SCN7A: variants seen among roughly 807,000 people sequenced by gnomAD.
The protein encoded by SCN7A is sodium channel protein type 7 subunit alpha.
A neutral mutation model predicts 155.2 loss-of-function variants in SCN7A; 138 were observed. That is an observed-to-expected ratio of 0.89 (90% CI 0.77 to 1.02). The LOEUF (loss-of-function observed/expected upper bound fraction) is 1.02, where lower values mean the gene tolerates loss of function less well. Ranked by LOEUF, SCN7A falls within the 50% of genes least tolerant of loss-of-function variation. The probability of loss-of-function intolerance (pLI) is 0.00; values close to 1 mark genes in which losing one functional copy is unlikely to be tolerated. For missense variants in SCN7A, 2,058 were observed against 1,986.6 expected, an observed-to-expected ratio of 1.04 and a Z score of -0.68; for synonymous variants, 693 against 649.0, an observed-to-expected ratio of 1.07 and a Z score of -1.03.
intron 17 of SCN7A, 24 bp downstream of exon 17, chr2:166,429,145 G>T (rs1701680723): frequency 7.3e-7 from 1 of 1,362,150 alleles, no homozygotes; most frequent in Non-Finnish European, 1.0e-6. Context: ...TAGTTTCCTA[G>T]CAAGATTAAC....
intron 20 of SCN7A, among the ~76,000 whole-genome samples, chr2:166,419,482 C>G (rs1486650866): frequency 1.3e-5 from 2 of 151,748 alleles, no homozygotes; most frequent in Non-Finnish European, 2.9e-5. Flanking sequence ...CTCATCTCAC[C>G]TCAGCATCTC....
At chr2:166,410,542 T>C (rs541180456) in intron 23 of SCN7A, among the ~76,000 whole-genome samples, 13 of 152,152 alleles carry the variant, frequency 8.5e-5, no homozygotes, top group Non-Finnish European at 1.5e-4. Flanking sequence ...AGAAATTCAG[T>C]AATCTCTAAG....
intron 18 of SCN7A, among the ~76,000 whole-genome samples, chr2:166,425,424 A>G (rs539929790): frequency 3.9e-4 from 59 of 152,204 alleles, no homozygotes; most frequent in Non-Finnish European, 5.3e-4. Context: ...AGGGCTGCTT[A>G]TTAGTTTCCT....
At chr2:166,487,808 A>G (rs1459508873) in intron 1 of SCN7A, among the ~76,000 whole-genome samples, 2 of 152,254 alleles carry the variant, frequency 1.3e-5, no homozygotes, top group Non-Finnish European at 2.9e-5. Context: ...AAGTAAGGAC[A>G]GTGGATCAAT....
At position 166,403,582 on chromosome 2, in the gene SCN7A, C is replaced by G. The variant is rs1378041925; in HGVS notation, c.*1998G>C. On this transcript the variant is annotated 3_prime_UTR_variant, in exon 26 of 26. Transcript: ENST00000643258. ...AACAAACATAGCTTAATGTGGTTTACAGGTTATATTTATTATTTTCTATAG... is the reference window on the plus strand; with the variant it reads ...AACAAACATAGCTTAATGTGGTTTAGAGGTTATATTTATTATTTTCTATAG... 2.0e-5 allele frequency: 3 copies of G among 151,856 alleles called. No homozygotes were observed. Among genetic ancestry groups the G allele is most frequent in the Admixed American group, 1.3e-4 (2 of 15,194 alleles). 9.4% of individuals were successfully genotyped at this position (151,856 alleles called of 1,614,324 possible).
chr2:166,414,079 A>ATATATGTAAATATATATAATATAT (rs1209200845), intron 21 of SCN7A, among the ~76,000 whole-genome samples: 4 of 45,014 alleles, frequency 8.9e-5, no homozygotes, highest in African/African-American at 1.9e-4. Flanking sequence ...ATATATGTAA[A>ATATATGTAAATATATATAATATAT]TATATGTAAA....
intron 11 of SCN7A, among the ~76,000 whole-genome samples, chr2:166,452,118 T>A (rs958467842): frequency 2.0e-5 from 3 of 152,100 alleles, no homozygotes; most frequent in African/African-American, 7.2e-5. Flanking sequence ...ACAAACAAGG[T>A]CCAAACATTT....
intron 10 of SCN7A, 38 bp from the exon 11 acceptor site, chr2:166,457,114 G>A (rs1702302264): frequency 2.1e-6 from 3 of 1,396,694 alleles, no homozygotes; most frequent in Admixed American, 2.1e-5. Flanking sequence ...AGAGTAAAAT[G>A]TTATTTATCT....
At chr2:166,490,650 T>C (rs1333022579) in intron 1 of SCN7A, among the ~76,000 whole-genome samples, 1 of 152,308 alleles carries the variant, frequency 6.6e-6, no homozygotes, top group East Asian at 1.9e-4. Context: ...ATTATAATTC[T>C]TAAAATTTTT....
chr2:166,433,468 A>AT (rs1290651346), intron 15 of SCN7A, among the ~76,000 whole-genome samples: 4 of 152,136 alleles, frequency 2.6e-5, no homozygotes, highest in African/African-American at 4.8e-5. Context: ...GCAAGAATTT[A>AT]TTTTAAGCTC....
chr2:166,486,410 A>T (rs1355035469), intron 2 of SCN7A, among the ~76,000 whole-genome samples: 1 of 152,078 alleles, frequency 6.6e-6, no homozygotes, highest in Non-Finnish European at 1.5e-5. Flanking sequence ...AATGTACCAG[A>T]CCCTGGAAGG....
chr2:166,430,503 A>G (rs1349640194), intron 16 of SCN7A, among the ~76,000 whole-genome samples: 2 of 151,944 alleles, frequency 1.3e-5, no homozygotes, highest in Non-Finnish European at 2.9e-5. Flanking sequence ...ATAAATTTAT[A>G]TTTTTAAAGA....
chr2:166,416,381 A>G (rs1701377250), intron 21 of SCN7A, among the ~76,000 whole-genome samples: 1 of 152,042 alleles, frequency 6.6e-6, no homozygotes, highest in Admixed American at 6.6e-5. Flanking sequence ...TCCTTAATAA[A>G]AACTTGCTGG....
intron 2 of SCN7A, among the ~76,000 whole-genome samples, chr2:166,485,398 C>T (rs1703024539): frequency 6.6e-6 from 1 of 152,064 alleles, no homozygotes; most frequent in African/African-American, 2.4e-5. Context: ...AGTCAACAGA[C>T]ACGATAGGAT....
At chr2:166,415,488 G>T (rs375124669) in intron 21 of SCN7A, among the ~76,000 whole-genome samples, 2 of 152,010 alleles carry the variant, frequency 1.3e-5, no homozygotes, top group Non-Finnish European at 2.9e-5. Flanking sequence ...CTCCCAAAGT[G>T]CTGGGATTAC....
chr2:166,421,604 TG>T (rs984910529), intron 19 of SCN7A, among the ~76,000 whole-genome samples: 4 of 151,988 alleles, frequency 2.6e-5, no homozygotes, highest in Admixed American at 6.6e-5. Context: ...ATATCTTTTT[TG>T]TTTGAAATTA....
At position 166,489,285 on chromosome 2, in the gene SCN7A, A is replaced by G. The variant is rs182688968; in HGVS notation, c.-127-2317T>C. 3.7e-3 allele frequency among the ~76,000 whole-genome samples: 564 copies of G among 152,342 alleles called. 1 individual carries two copies. The highest frequency in any genetic ancestry group is 7.2e-3 in the South Asian group (35 of 4,830). On this transcript the variant is annotated intron_variant, in intron 1 of 25. Coordinates refer to ENST00000643258, the MANE Select transcript of SCN7A (RefSeq NM_002976.4). Reference sequence around the variant, plus strand: ...ATGTTGTATAATGATTATATACATAAAGTTGTATACGTTAGCATGTGCATA... The same window carrying G: ...ATGTTGTATAATGATTATATACATAGAGTTGTATACGTTAGCATGTGCATA...
In SCN7A at chr2:166,439,037, A is replaced by C. The variant is rs1701897449; in HGVS notation, c.2157+2359T>G. Among the ~76,000 whole-genome samples the C allele has an allele frequency of 4.4e-5, 3 of 68,926 alleles. No individual in the cohort carries two copies. The South Asian group carries it at 1.5e-3, about 34-fold the overall frequency. The allele number at this position is 68,926 out of a possible 152,430, so 45.2% of individuals were successfully genotyped here. On this transcript the variant is annotated intron_variant, in intron 15 of 25. Coordinates refer to ENST00000643258, the MANE Select transcript of SCN7A (RefSeq NM_002976.4). ...TGTATATATACATACACACACATAC[A>C]TATATGTGTGTGTGTGTGTATATAT...
In SCN7A at chr2:166,444,844, A is replaced by T; in HGVS notation, c.1544T>A (p.Ile515Lys). ...GGTCAGAAAACATACGTTTAAAATTATGCATATGATAAGGAAAAGATCAGT... is the reference window on the plus strand; with the variant it reads ...GGTCAGAAAACATACGTTTAAAATTTTGCATATGATAAGGAAAAGATCAGT... ...PFTDLFLIICIILNVCFLTLE... is the reference protein window; with the variant it reads ...PFTDLFLIICKILNVCFLTLE... Residue 515 changes from isoleucine to lysine, a missense_variant, in exon 13 of 26, where the codon ATA (isoleucine) becomes AAA (lysine). By Grantham distance (102) the Ile-to-Lys change is moderately radical. Coordinates refer to ENST00000643258, the MANE Select transcript of SCN7A (RefSeq NM_002976.4). The T allele has an allele frequency of 6.2e-7, 1 of 1,611,976 alleles. No individual in the cohort carries two copies. The highest frequency in any genetic ancestry group is 8.5e-7 in the Non-Finnish European group (1 of 1,178,644).
Sources: allele counts gnomAD v4.1 joint callset (sites outside exome capture counted in the v4.1 genomes callset), GRCh38; gene constraint gnomAD v4.1.1; transcripts MANE v1.5; gene names NCBI Gene and HGNC (gene_info 2026-07-23, HGNC 2026-07-21).